C15orf61: variants seen among roughly 807,000 people sequenced by gnomAD.
The protein encoded by C15orf61 is chromosome 15 open reading frame 61, also known as uncharacterized protein C15orf61.
A neutral mutation model predicts 13.7 loss-of-function variants in C15orf61; 12 were observed. That is an observed-to-expected ratio of 0.88 (90% CI 0.56 to 1.42). The LOEUF (loss-of-function observed/expected upper bound fraction) is 1.42, where lower values mean the gene tolerates loss of function less well. Among genes scored for constraint, C15orf61 ranks in the 40% most tolerant of loss-of-function variants. The pLI is 0.00. For synonymous variants in C15orf61, 92 were observed against 94.1 expected (o/e 0.98, Z 0.13); for missense variants, 248 against 213.2 (o/e 1.16, Z -1.02).
intron 1 of C15orf61, among the ~76,000 whole-genome samples, chr15:67,522,674 A>G (rs989407328): frequency 6.6e-6 from 1 of 152,218 alleles, no homozygotes; most frequent in Non-Finnish European, 1.5e-5. Flanking sequence ...TTGAAGTTGA[A>G]GGGTGAGGTG....
At chr15:67,526,003 A>C (rs1469665301) in intron 1 of C15orf61, among the ~76,000 whole-genome samples, 1 of 152,198 alleles carries the variant, frequency 6.6e-6, no homozygotes, top group East Asian at 1.9e-4. Flanking sequence ...ACAGAGTGAG[A>C]CTCCATCTCA....
chr15:67,524,838 T>G (rs1177054356), intron 1 of C15orf61, among the ~76,000 whole-genome samples: 4 of 35,026 alleles, frequency 1.1e-4, no homozygotes, highest in East Asian at 3.4e-4. Flanking sequence ...TTTTTGTTTG[T>G]TTTTTTTTTT....
At position 67,521,226 on chromosome 15, in the gene C15orf61, C is replaced by T. The variant is rs1282952963; in HGVS notation, c.-23C>T. 1.7e-6 allele frequency: 2 copies of T among 1,211,786 alleles called. No homozygotes were observed. The highest frequency in any genetic ancestry group is 1.6e-5 in the African/African-American group (1 of 63,586). 75.1% of individuals were successfully genotyped at this position (1,211,786 alleles called of 1,614,324 possible). A position where few individuals can be genotyped will look rare whatever the true frequency, so the allele number is the denominator to read the frequency against. On this transcript the variant is annotated 5_prime_UTR_variant, in exon 1 of 2. Coordinates refer to ENST00000342683, the MANE Select transcript of C15orf61 (RefSeq NM_001143936.2). ...CGCGCCAGCGGCTGCGGACACCAGC[C>T]TGCGTCCCCGGCGCGGCGGGCCATG... is the stretch of plus-strand genomic sequence containing the variant.
At chr15:67,523,225 A>G (rs1423926426) in intron 1 of C15orf61, among the ~76,000 whole-genome samples, 1 of 152,202 alleles carries the variant, frequency 6.6e-6, no homozygotes, top group Non-Finnish European at 1.5e-5. Flanking sequence ...AATATTTTAA[A>G]GTGGTGAACA....
rs1361468765 is a variant in C15orf61, at chr15:67,525,639, T to C, written c.347-779T>C. On this transcript the variant is annotated intron_variant, in intron 1 of 1. Transcript: ENST00000342683. This position sits in a 1 kb window ranked among gnomAD's most constrained non-coding sequence, Gnocchi z 4.9. ...ACTTGGAGTTAGGTTTTGCTTTAGA[T>C]TTTAAAGACAGCTCTTTGACCGAGC... is the stretch of plus-strand genomic sequence containing the variant. Among the ~76,000 whole-genome samples the C allele has an allele frequency of 6.6e-6, 1 of 152,224 alleles. No individual in the cohort carries two copies. The highest frequency in any genetic ancestry group is 2.4e-5 in the African/African-American group (1 of 41,456).
chr15:67,523,372 G>A (rs7342618), intron 1 of C15orf61, among the ~76,000 whole-genome samples: 1 of 151,986 alleles, frequency 6.6e-6, no homozygotes, highest in African/African-American at 2.4e-5. Context: ...ATTATACTTA[G>A]GATTTTGTTC....
intron 1 of C15orf61, among the ~76,000 whole-genome samples, chr15:67,524,368 T>G (rs1057120839): frequency 1.3e-5 from 2 of 151,110 alleles, no homozygotes; most frequent in African/African-American, 4.9e-5. Flanking sequence ...TTTTTCTACC[T>G]CCCACCCCTG....
Position 67,529,744 on chromosome 15 carries a change from C to T in C15orf61, c.*3199C>T, listed in dbSNP as rs1267206683. 5 of 152,188 alleles carry T rather than the reference C, an allele frequency of 3.3e-5. No homozygotes were observed. The highest frequency in any genetic ancestry group is 5.9e-5 in the Non-Finnish European group (4 of 68,036). 9.4% of individuals were successfully genotyped at this position (152,188 alleles called of 1,614,324 possible). A position where few individuals can be genotyped will look rare whatever the true frequency, so the allele number is the denominator to read the frequency against. On this transcript the variant is annotated 3_prime_UTR_variant, in exon 2 of 2. Coordinates refer to ENST00000342683, the MANE Select transcript of C15orf61 (RefSeq NM_001143936.2). The surrounding 1 kb of genome is among the most constrained non-coding windows in gnomAD (Gnocchi z 4.4). The stretch of plus-strand genomic sequence containing the variant: ...CTGAAACATTTGTAATTATTAAAAC[C>T]GTGTATCTTTTAAAGTACATTTTAC...
In C15orf61 at chr15:67,521,707, C is replaced by T. The variant is rs867858614; in HGVS notation, c.346+113C>T. 143 of 1,104,390 alleles carry T rather than the reference C, an allele frequency of 1.3e-4. 2 individuals are homozygous for T. In the Middle Eastern group the frequency reaches 1.8e-3, roughly 14 times the overall value. 68.4% of individuals were successfully genotyped at this position (1,104,390 alleles called of 1,614,324 possible). ...GCCGGTAGAGTCCCGCGGGAGTCAG[C>T]TCTGCCTCCCGGCGCCGGCTTCGCC... On this transcript the variant is annotated intron_variant, in intron 1 of 1. Coordinates refer to ENST00000342683, the MANE Select transcript of C15orf61 (RefSeq NM_001143936.2).
At chr15:67,521,621 GGTGAAGCC>G in intron 1 of C15orf61, 27 bp downstream of exon 1, 1 of 1,471,542 alleles carries the variant, frequency 6.8e-7, no homozygotes, top group Non-Finnish European at 9.2e-7. Context: ...GCGCCCACGC[GGTGAAGCC>G]CGCCCGGCCG....
At position 67,529,802 on chromosome 15, in the gene C15orf61, G is replaced by A. The variant is rs2084218714; in HGVS notation, c.*3257G>A. 6.6e-6 allele frequency: 1 copy of A among 152,168 alleles called. No individual in the cohort carries two copies. The highest frequency in any genetic ancestry group is 2.4e-5 in the African/African-American group (1 of 41,434). 9.4% of individuals were successfully genotyped at this position (152,168 alleles called of 1,614,324 possible). A position where few individuals can be genotyped will look rare whatever the true frequency, so the allele number is the denominator to read the frequency against. The stretch of plus-strand genomic sequence containing the variant: ...CATTTATATTCACCCAAAACTGTAA[G>A]CATAGAACATCTATAGTTCTTCATG... On this transcript the variant is annotated 3_prime_UTR_variant, in exon 2 of 2. Coordinates refer to ENST00000342683, the MANE Select transcript of C15orf61 (RefSeq NM_001143936.2). This position sits in a 1 kb window ranked among gnomAD's most constrained non-coding sequence, Gnocchi z 4.4.
At chr15:67,524,833 G>GTTTTTTT (rs1307736179) in intron 1 of C15orf61, among the ~76,000 whole-genome samples, 1 of 112,648 alleles carries the variant, frequency 8.9e-6, no homozygotes, top group African/African-American at 3.4e-5. Context: ...TTGCTTTTTT[G>GTTTTTTT]TTTGTTTTTT....
chr15:67,528,328 A>G lies in C15orf61; in HGVS notation c.*1783A>G, dbSNP rs1423147048. On this transcript the variant is annotated 3_prime_UTR_variant, in exon 2 of 2. Coordinates refer to ENST00000342683, the MANE Select transcript of C15orf61 (RefSeq NM_001143936.2). ...TGTCCTTGGAGAACATCTTTGACAA[A>G]CTACCCTATTGATCTCTGTAATTCT... 2.6e-5 allele frequency: 4 copies of G among 152,234 alleles called. No homozygotes were observed. The highest frequency in any genetic ancestry group is 2.6e-4 in the Admixed American group (4 of 15,286). The allele number at this position is 152,234 out of a possible 1,614,324, so 9.4% of individuals were successfully genotyped here. A position where few individuals can be genotyped will look rare whatever the true frequency, so the allele number is the denominator to read the frequency against.
chr15:67,523,459 C>T (rs1209776214), intron 1 of C15orf61, among the ~76,000 whole-genome samples: 1 of 152,106 alleles, frequency 6.6e-6, no homozygotes, highest in African/African-American at 2.4e-5. Context: ...CTCCTTTTCT[C>T]CTCCGTCTTC....
Position 67,521,267 on chromosome 15 carries a change from G to T in C15orf61, c.19G>T (p.Ala7Ser), listed in dbSNP as rs897647090. The change falls in exon 1 of 2, where the codon GCC becomes TCC. Residue 7 changes from alanine (A) to serine (S), a missense_variant. Physicochemically the swap from Ala to Ser is moderately conservative, Grantham distance 99. Transcript: ENST00000342683. MEALRRAHEVALRLLLC... is the reference protein window; with the variant it reads MEALRRSHEVALRLLLC... The stretch of plus-strand genomic sequence containing the variant: ...GCGGGCCATGGAGGCCCTGAGGAGG[G>T]CCCACGAGGTCGCGCTCCGCCTGCT... 1 of 1,424,114 alleles carries T rather than the reference G, an allele frequency of 7.0e-7. No homozygotes were observed. The highest frequency in any genetic ancestry group is 9.2e-7 in the Non-Finnish European group (1 of 1,091,008). The allele number at this position is 1,424,114 out of a possible 1,614,324, so 88.2% of individuals were successfully genotyped here.
rs1191393823 is a variant in C15orf61, at chr15:67,521,272, C to T, written c.24C>T (p.His8=). 32 of 1,432,292 alleles carry T rather than the reference C, an allele frequency of 2.2e-5. No homozygotes were observed. The highest frequency in any genetic ancestry group is 2.8e-5 in the East Asian group (1 of 36,332). 88.7% of individuals were successfully genotyped at this position (1,432,292 alleles called of 1,614,324 possible). The change falls in exon 1 of 2, where the codon CAC becomes CAT. Residue 8 remains histidine, a synonymous_variant. Coordinates refer to ENST00000342683, the MANE Select transcript of C15orf61 (RefSeq NM_001143936.2). MEALRRA[H]EVALRLLLCR... ...CCATGGAGGCCCTGAGGAGGGCCCA[C>T]GAGGTCGCGCTCCGCCTGCTGCTGT...
rs926719489 is a variant in C15orf61 at position 67,521,252 on chromosome 15, G to C, written c.4G>C (p.Glu2Gln). 1.1e-4 allele frequency: 138 copies of C among 1,276,412 alleles called. No individual in the cohort carries two copies. The highest frequency in any genetic ancestry group is 1.3e-4 in the Non-Finnish European group (130 of 1,010,678). 79.1% of individuals were successfully genotyped at this position (1,276,412 alleles called of 1,614,324 possible). ...TGCGTCCCCGGCGCGGCGGGCCATGGAGGCCCTGAGGAGGGCCCACGAGGT... is the reference window on the plus strand; with the variant it reads ...TGCGTCCCCGGCGCGGCGGGCCATGCAGGCCCTGAGGAGGGCCCACGAGGT... The part of the protein sequence containing the change: M[E>Q]ALRRAHEVAL... Residue 2 changes from glutamate to glutamine, a missense_variant, in exon 1 of 2, where the codon GAG becomes CAG. Physicochemically the swap from Glu to Gln is conservative, Grantham distance 29. Coordinates refer to ENST00000342683, the MANE Select transcript of C15orf61 (RefSeq NM_001143936.2).
Position 67,522,873 on chromosome 15 carries a change from T to A in C15orf61, c.346+1279T>A, listed in dbSNP as rs138499981. ...CCAAATGCCTTTTTTTCCTTTAAAG[T>A]CACATTTTTAGTGTTGACATTTTGT... On this transcript the variant is annotated intron_variant, in intron 1 of 1. Transcript: ENST00000342683. Among the ~76,000 whole-genome samples the A allele has an allele frequency of 4.4e-3, 670 of 152,314 alleles. 6 individuals carry two copies. The highest frequency in any genetic ancestry group is 0.015 in the African/African-American group (637 of 41,562).
At chr15:67,521,640 G>T (rs1406353598) in intron 1 of C15orf61, 46 bp downstream of exon 1, 64 of 1,421,228 alleles carry the variant, frequency 4.5e-5, no homozygotes, top group Non-Finnish European at 5.7e-5. Flanking sequence ...CGCCCGGCCG[G>T]GACGGCCCCT....
Sources: gnomAD v4.1 joint callset for allele counts (sites outside exome capture counted in the v4.1 genomes callset) on GRCh38, gnomAD v4.1.1 for gene constraint, Gnocchi (gnomAD v3.1) non-coding constraint, MANE v1.5 for transcripts, NCBI Gene and HGNC (gene_info 2026-07-23, HGNC 2026-07-21) for gene names.